Variants in PTPRG observed in about 807,000 individuals in gnomAD.
The protein encoded by PTPRG is receptor-type tyrosine-protein phosphatase gamma.
Under a neutral mutation model 165.3 loss-of-function variants are expected in PTPRG, and 102 were observed. The ratio of observed to expected loss-of-function variants is 0.62; its 90% CI spans 0.53 to 0.73. The LOEUF (loss-of-function observed/expected upper bound fraction) is 0.73. PTPRG is among the 30% of genes least tolerant of loss of function. The probability of loss-of-function intolerance (pLI) is 0.00; values close to 1 mark genes in which losing one functional copy is unlikely to be tolerated. For missense variants in PTPRG, 1,866 were observed against 1,861.4 expected (o/e 1.00, Z -0.05); for synonymous variants, 675 against 669.5 (o/e 1.01, Z -0.13).
chr3:62,046,706 C>G (rs1218860702), intron 4 of PTPRG, among the ~76,000 whole-genome samples: 1 of 152,134 alleles, frequency 6.6e-6, no homozygotes, highest in African/African-American at 2.4e-5. Flanking sequence ...ATCACCTACT[C>G]TTTGAACTAG....
chr3:61,992,578 G>A (rs2040924434), intron 3 of PTPRG, among the ~76,000 whole-genome samples: 2 of 151,296 alleles, frequency 1.3e-5, no homozygotes, highest in East Asian at 2.0e-4. Flanking sequence ...GCAGTGCATT[G>A]GTGCAATCTC....
intron 12 of PTPRG, among the ~76,000 whole-genome samples, 160 bp downstream of exon 12, chr3:62,204,110 T>C (rs1349077854): frequency 3.3e-5 from 5 of 152,170 alleles, no homozygotes; most frequent in Non-Finnish European, 5.9e-5. Flanking sequence ...GAAATGTGTA[T>C]GTGTGTGTCC....
At chr3:61,997,662 G>A (rs919126650) in intron 3 of PTPRG, among the ~76,000 whole-genome samples, 4 of 152,152 alleles carry the variant, frequency 2.6e-5, no homozygotes, top group African/African-American at 9.7e-5. Context: ...TAGTTCTTGG[G>A]ACCTGTCCTT....
chr3:61,742,799 C>T, intron 1 of PTPRG: 2 of 1,609,236 alleles, frequency 1.2e-6, no homozygotes, highest in Non-Finnish European at 1.7e-6. Flanking sequence ...TACTTCTTGG[C>T]CAGCTTCTTG....
At chr3:61,877,890 A>G (rs1395120367) in intron 2 of PTPRG, among the ~76,000 whole-genome samples, 2 of 152,240 alleles carry the variant, frequency 1.3e-5, no homozygotes, top group Non-Finnish European at 2.9e-5. Flanking sequence ...GAAGGCCAGC[A>G]TAATTACTCA....
At chr3:62,015,605 C>A (rs768668919) in intron 4 of PTPRG, among the ~76,000 whole-genome samples, 1 of 152,144 alleles carries the variant, frequency 6.6e-6, no homozygotes, top group Non-Finnish European at 1.5e-5. Flanking sequence ...GCCTCCTGAA[C>A]AGCTGGGACT....
At chr3:61,859,928 T>G (rs1256981310) in intron 2 of PTPRG, among the ~76,000 whole-genome samples, 1 of 152,230 alleles carries the variant, frequency 6.6e-6, no homozygotes, top group Admixed American at 6.5e-5. Flanking sequence ...AGATGCTCAG[T>G]AAACCAGTGT....
chr3:61,752,452 A>G (rs1024955925), intron 2 of PTPRG, among the ~76,000 whole-genome samples: 4 of 152,130 alleles, frequency 2.6e-5, no homozygotes, highest in African/African-American at 9.7e-5. Context: ...TTAAATATCT[A>G]GTAATGGTGA....
At chr3:61,786,565 G>A (rs997285662) in intron 2 of PTPRG, among the ~76,000 whole-genome samples, 5 of 152,200 alleles carry the variant, frequency 3.3e-5, no homozygotes, top group Admixed American at 3.3e-4. Flanking sequence ...GTAGCGAAGA[G>A]TTAGAAAAGA....
intron 4 of PTPRG, among the ~76,000 whole-genome samples, chr3:62,006,966 G>A (rs1424920065): frequency 6.6e-6 from 1 of 152,162 alleles, no homozygotes; most frequent in Non-Finnish European, 1.5e-5. Context: ...GAATAAAGAG[G>A]ACTTGTTTCT....
intron 2 of PTPRG, among the ~76,000 whole-genome samples, chr3:61,923,605 C>G (rs994663941): frequency 4.3e-5 from 6 of 141,102 alleles, no homozygotes; most frequent in South Asian, 2.5e-4. Flanking sequence ...CCCTTCCTGT[C>G]TCCATGTGTT....
intron 8 of PTPRG, among the ~76,000 whole-genome samples, chr3:62,186,859 G>A (rs1358808843): frequency 2.0e-5 from 3 of 152,098 alleles, no homozygotes; most frequent in Non-Finnish European, 2.9e-5. Context: ...GAGCCACCAC[G>A]CCTGTCCTTG....
chr3:61,900,885 G>C (rs1225723167), intron 2 of PTPRG, among the ~76,000 whole-genome samples: 2 of 152,152 alleles, frequency 1.3e-5, no homozygotes, highest in African/African-American at 4.8e-5. Flanking sequence ...GTGGTTTTAG[G>C]CAAGGGATCT....
intron 8 of PTPRG, among the ~76,000 whole-genome samples, chr3:62,184,261 C>G (rs550483482): frequency 2.0e-5 from 3 of 152,334 alleles, no homozygotes; most frequent in African/African-American, 7.2e-5. Context: ...ATGCACATTA[C>G]ACTGGAGCTG....
At chr3:61,999,037 G>A (rs1014014563) in intron 3 of PTPRG, among the ~76,000 whole-genome samples, 1 of 152,066 alleles carries the variant, frequency 6.6e-6, no homozygotes, top group Non-Finnish European at 1.5e-5. Context: ...AAGGCAGCTG[G>A]CTGGAGGCCT....
chr3:61,890,412 G>GT (rs1388100597), intron 2 of PTPRG, among the ~76,000 whole-genome samples: 2,336 of 95,064 alleles, frequency 0.025, 222 homozygotes, highest in African/African-American at 0.1. Flanking sequence ...CTTGTTCTTT[G>GT]TTTTTTTTTT....
At chr3:62,218,502 A>G (rs545940378) in intron 12 of PTPRG, among the ~76,000 whole-genome samples, 7 of 152,292 alleles carry the variant, frequency 4.6e-5, no homozygotes, top group East Asian at 1.9e-4. Context: ...TTGAGACTTC[A>G]GCACATGTCC....
At chr3:61,643,773 A>C (rs1702126474) in intron 1 of PTPRG, among the ~76,000 whole-genome samples, 1 of 152,096 alleles carries the variant, frequency 6.6e-6, no homozygotes, top group Non-Finnish European at 1.5e-5. Flanking sequence ...CAAAAAAAAA[A>C]ACAAAAAAGC....
chr3:61,885,083 C>T (rs1007229681), intron 2 of PTPRG, among the ~76,000 whole-genome samples: 1 of 151,966 alleles, frequency 6.6e-6, no homozygotes, highest in Non-Finnish European at 1.5e-5. Context: ...TTTATTGCAC[C>T]CTGCCAATTT....
Sources: gnomAD v4.1 joint callset for allele counts (sites outside exome capture counted in the v4.1 genomes callset) on GRCh38, gnomAD v4.1.1 for gene constraint, MANE v1.5 for transcripts, NCBI Gene and HGNC (gene_info 2026-07-23, HGNC 2026-07-21) for gene names.